Variants in LGR5 observed in about 807,000 individuals in gnomAD.
The protein encoded by LGR5 is leucine-rich repeat-containing G protein-coupled receptor 5.
LGR5 carries 54 observed loss-of-function variants against 76.7 expected under a neutral mutation model. The ratio of observed to expected loss-of-function variants is 0.70; its 90% CI spans 0.57 to 0.88. The LOEUF (loss-of-function observed/expected upper bound fraction) is 0.88, where lower values mean the gene tolerates loss of function less well. Ranked by LOEUF, LGR5 falls within the 40% of genes least tolerant of loss-of-function variation. The pLI is 0.00. For missense variants in LGR5, 1,078 were observed against 1,073.3 expected (o/e 1.00, Z -0.06); for synonymous variants, 406 against 421.9 (o/e 0.96, Z 0.46).
chr12:71,561,151 A>G (rs1285415876), intron 7 of LGR5, among the ~76,000 whole-genome samples: 1 of 152,130 alleles, frequency 6.6e-6, no homozygotes, highest in Non-Finnish European at 1.5e-5. Context: ...TGACTTAGGA[A>G]ACCCCATGTG....
intron 8 of LGR5, among the ~76,000 whole-genome samples, chr12:71,562,516 A>G (rs2137432768): frequency 6.6e-6 from 1 of 152,338 alleles, no homozygotes; most frequent in South Asian, 2.1e-4. Flanking sequence ...TGGAGGTTAC[A>G]GTGAACTATG....
chr12:71,583,514 T>C (rs1879179593), intron 17 of LGR5, 133 bp from the exon 18 acceptor site: 2 of 997,886 alleles, frequency 2.0e-6, no homozygotes, highest in Non-Finnish European at 3.0e-6. Flanking sequence ...AGCATGCACA[T>C]GGGCACTGTG....
intron 17 of LGR5, among the ~76,000 whole-genome samples, chr12:71,583,192 C>G (rs1879166702): frequency 1.3e-5 from 2 of 152,158 alleles, no homozygotes; most frequent in South Asian, 2.1e-4. Flanking sequence ...TCCCTAACCT[C>G]AAATTTTAAT....
At chr12:71,576,385 C>A (rs970587333) in intron 13 of LGR5, among the ~76,000 whole-genome samples, 1 of 152,036 alleles carries the variant, frequency 6.6e-6, no homozygotes, top group Non-Finnish European at 1.5e-5. Context: ...GTTTCCAGGA[C>A]AAAGAAAGAG....
At chr12:71,501,084 A>T (rs1051588063) in intron 1 of LGR5, among the ~76,000 whole-genome samples, 3 of 151,710 alleles carry the variant, frequency 2.0e-5, no homozygotes, top group East Asian at 1.9e-4. Context: ...GATATGTTTT[A>T]AAAAAACAGA....
chr12:71,512,390 C>G (rs1288421907), intron 2 of LGR5, among the ~76,000 whole-genome samples: 1 of 152,224 alleles, frequency 6.6e-6, no homozygotes, highest in Non-Finnish European at 1.5e-5. Flanking sequence ...TGAAGGTCTT[C>G]AGGTGATCTT....
chr12:71,535,860 A>AC (rs1876559327), intron 4 of LGR5, among the ~76,000 whole-genome samples: 1 of 152,128 alleles, frequency 6.6e-6, no homozygotes, highest in Non-Finnish European at 1.5e-5. Context: ...GGAGTTTCCT[A>AC]CCCCCCTACA....
At chr12:71,582,325 G>T (rs532718430) in intron 16 of LGR5, 131 bp from the exon 17 acceptor site, 4 of 699,988 alleles carry the variant, frequency 5.7e-6, no homozygotes, top group Admixed American at 2.6e-5. Flanking sequence ...ATAATAACTT[G>T]CAAGAAAGCT....
At chr12:71,570,587 G>A (rs1878563264) in intron 11 of LGR5, among the ~76,000 whole-genome samples, 1 of 152,046 alleles carries the variant, frequency 6.6e-6, no homozygotes, top group Non-Finnish European at 1.5e-5. Flanking sequence ...TGAGATTTTG[G>A]AGGTATTGGG....
chr12:71,585,696 C>T lies in LGR5; in HGVS notation c.*962C>T, dbSNP rs536126986. On this transcript the variant is annotated 3_prime_UTR_variant, in exon 18 of 18. Transcript: ENST00000266674. ...TTAAGTCCACTGATACAACTTCTTA[C>T]ACATGTATCTCTAGTAGCTCTGGCA... 2.6e-5 allele frequency: 4 copies of T among 152,346 alleles called. No homozygotes were observed. Among genetic ancestry groups the T allele is most frequent in the Non-Finnish European group, 5.9e-5 (4 of 68,038 alleles). 9.4% of individuals were successfully genotyped at this position (152,346 alleles called of 1,614,324 possible).
At chr12:71,576,364 G>A (rs570366356) in intron 13 of LGR5, among the ~76,000 whole-genome samples, 1 of 152,298 alleles carries the variant, frequency 6.6e-6, no homozygotes. Context: ...GAGTCACAGG[G>A]AGGAAATGAT....
chr12:71,448,500 G>C (rs1565847729), intron 1 of LGR5: 2 of 152,164 alleles, frequency 1.3e-5, no homozygotes, highest in Non-Finnish European at 2.9e-5. Flanking sequence ...TTATTTTAAT[G>C]AGTTTATTGG....
rs1592571246 is a variant in LGR5, at chr12:71,585,743, T to C, written c.*1009T>C. 1 of 152,324 alleles carries C rather than the reference T, an allele frequency of 6.6e-6. No individual in the cohort carries two copies. Among genetic ancestry groups the C allele is most frequent in the East Asian group, 1.9e-4 (1 of 5,186 alleles). 9.4% of individuals were successfully genotyped at this position (152,324 alleles called of 1,614,324 possible). A position where few individuals can be genotyped will look rare whatever the true frequency, so the allele number is the denominator to read the frequency against. ...GGCAAACCCAATATCTGACACCACT[T>C]TGGACTCAAGAGACTCAGTAACGTA... On this transcript the variant is annotated 3_prime_UTR_variant, in exon 18 of 18. Coordinates refer to ENST00000266674, the MANE Select transcript of LGR5 (RefSeq NM_003667.4).
chr12:71,575,538 G>C (rs1398338649), intron 13 of LGR5, among the ~76,000 whole-genome samples: 1 of 152,018 alleles, frequency 6.6e-6, no homozygotes. Context: ...GTGAAACCCT[G>C]TCTCTACTAA....
intron 1 of LGR5, among the ~76,000 whole-genome samples, chr12:71,445,164 C>A (rs886704783): frequency 6.6e-6 from 1 of 152,180 alleles, no homozygotes; most frequent in African/African-American, 2.4e-5. Context: ...TAAACACTTC[C>A]TCAATAGATA....
At chr12:71,552,178 C>A (rs1226431733) in intron 4 of LGR5, among the ~76,000 whole-genome samples, 2 of 152,072 alleles carry the variant, frequency 1.3e-5, no homozygotes, top group African/African-American at 4.8e-5. Context: ...GTGCAACAAA[C>A]CACCATGGCA....
chr12:71,549,137 T>C (rs1305890695), intron 4 of LGR5, among the ~76,000 whole-genome samples: 1 of 152,260 alleles, frequency 6.6e-6, no homozygotes, highest in Non-Finnish European at 1.5e-5. Context: ...CCCTGTCAGC[T>C]GCTTTGTCCA....
At chr12:71,514,468 T>C (rs2137322476) in intron 2 of LGR5, among the ~76,000 whole-genome samples, 1 of 150,926 alleles carries the variant, frequency 6.6e-6, no homozygotes, top group East Asian at 2.0e-4. Flanking sequence ...CTCAGGAGGC[T>C]GAGGCAGGAG....
Position 71,548,087 on chromosome 12 carries a change from G to A in LGR5, c.429-4986G>A, listed in dbSNP as rs529601055. Among the ~76,000 whole-genome samples, 8 of 152,214 alleles carry A rather than the reference G, an allele frequency of 5.3e-5. No homozygotes were observed. The East Asian group carries it at 5.8e-4, about 11-fold the overall frequency. ...GAGCTTTTATCTGAATGAAGGCAAG[G>A]CCACTCATTATTGAAAGTGTTTTAC... On this transcript the variant is annotated intron_variant, in intron 4 of 17. Transcript: ENST00000266674.
Sources: gnomAD v4.1 joint callset for allele counts (sites outside exome capture counted in the v4.1 genomes callset) on GRCh38, gnomAD v4.1.1 for gene constraint, MANE v1.5 for transcripts, NCBI Gene and HGNC (gene_info 2026-07-23, HGNC 2026-07-21) for gene names.